PTPRD: variants seen among roughly 807,000 people sequenced by gnomAD.
PTPRD encodes the protein receptor-type tyrosine-protein phosphatase delta.
A neutral mutation model predicts 214.5 loss-of-function variants in PTPRD; 34 were observed. The observed-to-expected ratio is 0.16, with a 90% CI of 0.12 to 0.21. The LOEUF is 0.21. Among genes scored for constraint, PTPRD ranks in the 10% least tolerant of loss-of-function variants. PTPRD has a pLI of 1.00. For missense variants in PTPRD, 2,545 were observed against 2,398.7 expected, an observed-to-expected ratio of 1.06 and a Z score of -1.27; for synonymous variants, 1,128 against 845.7, an observed-to-expected ratio of 1.33 and a Z score of -5.79.
intron 8 of PTPRD, among the ~76,000 whole-genome samples, chr9:9,448,387 T>C (rs977256849): frequency 3.3e-5 from 5 of 151,916 alleles, no homozygotes; most frequent in African/African-American, 7.2e-5. Context: ...GTTTTCAAGA[T>C]AGTGAGTTCT....
intron 3 of PTPRD, among the ~76,000 whole-genome samples, chr9:10,229,226 A>G (rs1220479382): frequency 6.6e-6 from 1 of 152,064 alleles, no homozygotes; most frequent in Non-Finnish European, 1.5e-5. Flanking sequence ...GGATGTGGAG[A>G]AATAGGAACA....
intron 11 of PTPRD, among the ~76,000 whole-genome samples, chr9:8,927,363 T>G (rs1356322975): frequency 6.6e-6 from 1 of 151,582 alleles, no homozygotes; most frequent in Non-Finnish European, 1.5e-5. Flanking sequence ...CTAATGCTAT[T>G]CCCCAACATG....
chr9:9,071,581 G>C (rs2099743824), intron 10 of PTPRD, among the ~76,000 whole-genome samples: 1 of 152,102 alleles, frequency 6.6e-6, no homozygotes, highest in Admixed American at 6.6e-5. Flanking sequence ...TCAGCCTCTA[G>C]CCTCCAATCA....
At chr9:9,337,586 C>G (rs2045060735) in intron 9 of PTPRD, among the ~76,000 whole-genome samples, 1 of 152,120 alleles carries the variant, frequency 6.6e-6, no homozygotes. Flanking sequence ...TAATATGAAT[C>G]TACCTTTAAG....
chr9:8,367,416 G>C (rs962581313), intron 39 of PTPRD, among the ~76,000 whole-genome samples: 1 of 152,026 alleles, frequency 6.6e-6, no homozygotes, highest in African/African-American at 2.4e-5. Flanking sequence ...GGGAGGTGAG[G>C]GTGGTGAGCA....
intron 5 of PTPRD, among the ~76,000 whole-genome samples, chr9:9,808,807 T>C (rs2046241710): frequency 6.6e-6 from 1 of 152,184 alleles, no homozygotes; most frequent in Admixed American, 6.5e-5. Context: ...GGTCTTGCTT[T>C]GTTTTACAGG....
chr9:9,534,403 C>A (rs968645641), intron 8 of PTPRD, among the ~76,000 whole-genome samples: 1 of 151,998 alleles, frequency 6.6e-6, no homozygotes, highest in South Asian at 2.1e-4. Context: ...AAATCTCTCA[C>A]GCCCTTACAT....
chr9:8,567,724 A>C (rs2154220466), intron 14 of PTPRD, among the ~76,000 whole-genome samples: 1 of 152,306 alleles, frequency 6.6e-6, no homozygotes, highest in African/African-American at 2.4e-5. Context: ...TCAATGAATG[A>C]ATGAATCATA....
chr9:10,577,533 A>G (rs2069854107), intron 2 of PTPRD, among the ~76,000 whole-genome samples: 1 of 152,198 alleles, frequency 6.6e-6, no homozygotes, highest in Non-Finnish European at 1.5e-5. Flanking sequence ...ATTAAGCCCT[A>G]CCAACATCTT....
At chr9:10,024,483 G>C (rs1249613125) in intron 4 of PTPRD, among the ~76,000 whole-genome samples, 1 of 151,952 alleles carries the variant, frequency 6.6e-6, no homozygotes, top group Admixed American at 6.6e-5. Context: ...ATACTTTAAG[G>C]AAAAATATGA....
At chr9:8,788,238 G>T (rs12351221) in intron 11 of PTPRD, among the ~76,000 whole-genome samples, 7,870 of 145,684 alleles carry the variant, frequency 0.054, 456 homozygotes, top group African/African-American at 0.14. Context: ...AAATATTTTT[G>T]GTTCATATAA....
intron 3 of PTPRD, among the ~76,000 whole-genome samples, chr9:10,208,779 C>T (rs1156582339): frequency 6.6e-6 from 1 of 152,046 alleles, no homozygotes; most frequent in African/African-American, 2.4e-5. Flanking sequence ...TAAAATTAAG[C>T]CACTATCTTG....
At chr9:10,085,299 T>G (rs1430120676) in intron 3 of PTPRD, among the ~76,000 whole-genome samples, 1 of 151,864 alleles carries the variant, frequency 6.6e-6, no homozygotes, top group African/African-American at 2.4e-5. Context: ...GATAACCGAT[T>G]ATTTTTAAGT....
Position 8,929,847 on chromosome 9 carries a change from GTA to G in PTPRD, c.-104+88848_-104+88849del, listed in dbSNP as rs1352149993. On this transcript the variant is annotated intron_variant, in intron 11 of 45. Coordinates refer to ENST00000381196, the MANE Select transcript of PTPRD (RefSeq NM_002839.4). The stretch of plus-strand genomic sequence containing the variant: ...TATATATATGTGTATATATATGTGT[GTA>G]TATATATGTGTATATACATGTGTGT... Among the ~76,000 whole-genome samples the G allele has an allele frequency of 3.7e-5, 4 of 107,570 alleles. 1 individual carries two copies. The highest frequency in any genetic ancestry group is 4.7e-4 in the East Asian group (2 of 4,252). 70.6% of individuals were successfully genotyped at this position (107,570 alleles called of 152,430 possible). A position where few individuals can be genotyped will look rare whatever the true frequency, so the allele number is the denominator to read the frequency against.
intron 12 of PTPRD, among the ~76,000 whole-genome samples, chr9:8,674,456 CAAAAAAAAAAAAAAAA>C (rs57588808): frequency 1.6e-5 from 1 of 62,332 alleles, no homozygotes; most frequent in African/African-American, 6.5e-5. Flanking sequence ...GACGCTGTCT[CAAAAAAAAAAAAAAAA>C]AAAAAAAAAA....
At chr9:8,537,595 A>T (rs1056817554) in intron 14 of PTPRD, among the ~76,000 whole-genome samples, 3 of 152,068 alleles carry the variant, frequency 2.0e-5, no homozygotes, top group Admixed American at 6.6e-5. Context: ...AAGATTTCTC[A>T]TAGAATTATG....
chr9:10,292,808 A>G (rs2095566898), intron 3 of PTPRD, among the ~76,000 whole-genome samples: 1 of 151,850 alleles, frequency 6.6e-6, no homozygotes, highest in African/African-American at 2.4e-5. Flanking sequence ...CCCCCAACAC[A>G]TAAAATACAG....
intron 8 of PTPRD, among the ~76,000 whole-genome samples, chr9:9,497,780 T>C (rs1290908557): frequency 1.3e-5 from 2 of 152,086 alleles, no homozygotes; most frequent in African/African-American, 4.8e-5. Flanking sequence ...AGATATAATA[T>C]CATAATAGCA....
chr9:8,616,085 C>CT (rs1210141423), intron 14 of PTPRD, among the ~76,000 whole-genome samples: 1 of 152,148 alleles, frequency 6.6e-6, no homozygotes, highest in African/African-American at 2.4e-5. Flanking sequence ...TAGCTAATCA[C>CT]TTTTAAAGTC....
Sources: gnomAD v4.1 joint callset for allele counts (sites outside exome capture counted in the v4.1 genomes callset) on GRCh38, gnomAD v4.1.1 for gene constraint, MANE v1.5 for transcripts, NCBI Gene and HGNC (gene_info 2026-07-23, HGNC 2026-07-21) for gene names.